GNLY: variants seen among roughly 807,000 people sequenced by gnomAD.
GNLY encodes the protein granulysin.
Under a neutral mutation model 18.5 loss-of-function variants are expected in GNLY, and 15 were observed. The ratio of observed to expected loss-of-function variants is 0.81; its 90% confidence interval spans 0.54 to 1.25. The LOEUF is 1.25. Among genes scored for constraint, GNLY ranks in the 50% most tolerant of loss-of-function variants. The pLI is 0.00. For synonymous variants in GNLY, 77 were observed against 74.9 expected (o/e 1.03, Z -0.14); for missense variants, 178 against 186.9 (o/e 0.95, Z 0.28).
chr2:85,697,952 CT>C (rs931308182), intron 4 of GNLY, among the ~76,000 whole-genome samples: 9 of 152,204 alleles, frequency 5.9e-5, no homozygotes, highest in Non-Finnish European at 1.2e-4. Flanking sequence ...GTTTCTTCAT[CT>C]GTGAAGGGGA....
At chr2:85,695,075 G>A in intron 1 of GNLY, 1 of 1,319,972 alleles carries the variant, frequency 7.6e-7, no homozygotes, top group Non-Finnish European at 1.1e-6. Flanking sequence ...GTTGCTGGGG[G>A]AACAGAGGAG....
At chr2:85,697,446 G>C in intron 3 of GNLY, 60 bp from the exon 4 acceptor site, 2 of 1,460,528 alleles carry the variant, frequency 1.4e-6, no homozygotes, top group Non-Finnish European at 9.6e-7. Flanking sequence ...AACCTGCAGG[G>C]TGGCAGAGCT....
At chr2:85,695,154 T>A in intron 1 of GNLY, 166 bp from the exon 2 acceptor site, 1 of 854,144 alleles carries the variant, frequency 1.2e-6, no homozygotes, top group Non-Finnish European at 1.9e-6. Flanking sequence ...TGAGAGTGGG[T>A]CAGAGCGGCT....
chr2:85,697,082 C>A (rs1168944043), intron 3 of GNLY: 1 of 177,656 alleles, frequency 5.6e-6, no homozygotes, highest in Non-Finnish European at 1.2e-5. Flanking sequence ...ACCAAATGAG[C>A]CAAGACTCCA....
At chr2:85,694,648 C>G in intron 1 of GNLY, 178 bp downstream of exon 1, 1 of 1,114,292 alleles carries the variant, frequency 9.0e-7, no homozygotes, top group Non-Finnish European at 1.3e-6. Flanking sequence ...AGTGTGCTGC[C>G]CAGCCTGTCA....
At position 85,695,343 on chromosome 2, in the gene GNLY, C is replaced by T. The variant is rs1302227121; in HGVS notation, c.76C>T (p.Pro26Ser). The T allele has an allele frequency of 6.2e-6, 10 of 1,612,942 alleles. No homozygotes were observed. Among genetic ancestry groups the T allele is most frequent in the Non-Finnish European group, 8.5e-6 (10 of 1,178,980 alleles). Residue 26 changes from proline (P) to serine (S), a missense_variant, in exon 2 of 5, where the codon CCT (proline) becomes TCT (serine). Physicochemically the swap from Pro to Ser is moderately conservative, Grantham distance 74. Transcript: ENST00000263863. Reference sequence around the variant, plus strand: ...AGGTCTGGTCTTCTCTCGTCTGAGCCCTGAGTACTACGACCTGGCAAGAGC... The same window carrying T: ...AGGTCTGGTCTTCTCTCGTCTGAGCTCTGAGTACTACGACCTGGCAAGAGC... ...NPGLVFSRLS[P>S]EYYDLARAHL...
rs564126355 is a variant in GNLY, at chr2:85,694,492, C to T, written c.52+22C>T. On this transcript the variant is annotated intron_variant, in intron 1 of 4. Coordinates refer to ENST00000263863, the MANE Select transcript of GNLY (RefSeq NM_006433.5). ...CCAGGTAAGGCCTTCCCCTCGGGATCGATCCTGATGGCCCACCCAGCCTCG... is the reference window on the plus strand; with the variant it reads ...CCAGGTAAGGCCTTCCCCTCGGGATTGATCCTGATGGCCCACCCAGCCTCG... 2.2e-4 allele frequency: 353 copies of T among 1,610,358 alleles called. 2 individuals are homozygous for T. The South Asian group carries it at 3.7e-3, about 17-fold the overall frequency.
At chr2:85,696,523 G>A (rs1678458117) in intron 3 of GNLY, 1 of 151,498 alleles carries the variant, frequency 6.6e-6, no homozygotes, top group Non-Finnish European at 1.4e-5. Flanking sequence ...TCCCTATCTT[G>A]CAAGTTGTCA....
Position 85,695,368 on chromosome 2 carries a change from C to A in GNLY, c.101C>A (p.Ala34Asp), listed in dbSNP as rs897700269. 1.2e-6 allele frequency: 2 copies of A among 1,613,822 alleles called. No homozygotes were observed. The highest frequency in any genetic ancestry group is 1.7e-5 in the Admixed American group (1 of 60,032). ...CCTGAGTACTACGACCTGGCAAGAG[C>A]CCACCTGCGTGATGAGGAGAAATCC... ...LSPEYYDLAR[A>D]HLRDEEKSCP... The change falls in exon 2 of 5, where the codon GCC (alanine) becomes GAC (aspartate). Residue 34 changes from alanine to aspartate, a missense_variant. By Grantham distance (126) the Ala-to-Asp change is moderately radical (BLOSUM62 -2). Coordinates refer to ENST00000263863, the MANE Select transcript of GNLY (RefSeq NM_006433.5).
chr2:85,694,738 C>A, intron 1 of GNLY: 1 of 1,437,646 alleles, frequency 7.0e-7, no homozygotes, highest in Non-Finnish European at 9.1e-7. Flanking sequence ...CTGAGACCCC[C>A]CTTTCCCTCC....
intron 1 of GNLY, 84 bp from the exon 2 acceptor site, chr2:85,695,236 C>A (rs906643986): frequency 2.0e-5 from 20 of 1,017,186 alleles, no homozygotes; most frequent in Non-Finnish European, 2.9e-5. Flanking sequence ...CCCTGGTCAC[C>A]TCCTGGACTC....
At chr2:85,694,956 T>C (rs376166025) in intron 1 of GNLY, 213 of 1,591,648 alleles carry the variant, frequency 1.3e-4, no homozygotes, top group Non-Finnish European at 9.1e-5. Context: ...AGAACACTTC[T>C]GGAAGGGAGA....
chr2:85,698,498 T>C (rs1678547205), intron 4 of GNLY, 66 bp from the exon 5 acceptor site: 1 of 1,611,642 alleles, frequency 6.2e-7, no homozygotes, highest in Non-Finnish European at 8.5e-7. Context: ...AGTAACATTC[T>C]GAGTGCCTGC....
rs568097693 is a variant in GNLY at position 85,698,694 on chromosome 2, C to T, written c.*120C>T. 189 of 1,598,050 alleles carry T rather than the reference C, an allele frequency of 1.2e-4. 1 individual carries two copies. The highest frequency in any genetic ancestry group is 1.5e-4 in the Non-Finnish European group (174 of 1,175,112). On this transcript the variant is annotated 3_prime_UTR_variant, in exon 5 of 5. Transcript: ENST00000263863. The stretch of plus-strand genomic sequence containing the variant: ...CAGAATCCACTCTCCAGTCTCCCTC[C>T]CCTGACTCCCTCTGCTGTCCTCCCC...
rs1678388272 is a variant in GNLY at position 85,695,073 on chromosome 2, G to C, written c.53-247G>C. ...CCGACCCCCAAATCTGTGTTGCTGG[G>C]GGAACAGAGGAGAAGAGAGAGTCTC... is the stretch of plus-strand genomic sequence containing the variant. On this transcript the variant is annotated intron_variant, in intron 1 of 4. Coordinates refer to ENST00000263863, the MANE Select transcript of GNLY (RefSeq NM_006433.5). The C allele has an allele frequency of 5.2e-6, 7 of 1,341,940 alleles. No individual in the cohort carries two copies. The Admixed American group carries it at 1.4e-4, about 27-fold the overall frequency. 83.1% of individuals were successfully genotyped at this position (1,341,940 alleles called of 1,614,324 possible).
intron 4 of GNLY, among the ~76,000 whole-genome samples, 189 bp downstream of exon 4, chr2:85,697,866 C>T (rs1437743): frequency 0.32 from 48,437 of 152,190 alleles, 9,025 homozygotes; most frequent in East Asian, 0.59. Context: ...CACAGGTGGT[C>T]GTGGAGTAAA....
Position 85,695,943 on chromosome 2 carries a change from T to G in GNLY, c.157-15T>G. Reference sequence around the variant, plus strand: ...GTGTCTGAGAGACCATCATAAGGGCTTTCTTTCCTGACAGGGTGACCTGTT... The same window carrying G: ...GTGTCTGAGAGACCATCATAAGGGCGTTCTTTCCTGACAGGGTGACCTGTT... On this transcript the variant is annotated splice_polypyrimidine_tract_variant and intron_variant, in intron 2 of 4. Transcript: ENST00000263863. 1.3e-6 allele frequency: 2 copies of G among 1,528,376 alleles called. No individual in the cohort carries two copies. Among genetic ancestry groups the G allele is most frequent in the Non-Finnish European group, 1.8e-6 (2 of 1,102,554 alleles). The allele number at this position is 1,528,376 out of a possible 1,614,324, so 94.7% of individuals were successfully genotyped here.
At chr2:85,694,525 A>T in intron 1 of GNLY, 55 bp downstream of exon 1, 1 of 1,552,596 alleles carries the variant, frequency 6.4e-7, no homozygotes, top group Non-Finnish European at 8.9e-7. Context: ...TCGCACTCTC[A>T]GGCTGGCTGA....
intron 3 of GNLY, 65 bp from the exon 4 acceptor site, chr2:85,697,441 G>T: frequency 7.0e-7 from 1 of 1,423,096 alleles, no homozygotes; most frequent in Middle Eastern, 2.5e-4. Flanking sequence ...GCTGGAACCT[G>T]CAGGGTGGCA....
Sources: allele counts gnomAD v4.1 joint callset (sites outside exome capture counted in the v4.1 genomes callset), GRCh38; gene constraint gnomAD v4.1.1; transcripts MANE v1.5; gene names NCBI Gene and HGNC (gene_info 2026-07-23, HGNC 2026-07-21).